The following CTNNA2 variants were observed in gnomAD, a reference collection of about 807,000 sequenced individuals.
CTNNA2 encodes the protein catenin alpha-2.
In CTNNA2, 42 loss-of-function variants were observed where a neutral mutation model predicts 101.0. That is an observed-to-expected ratio of 0.42 (90% CI 0.32 to 0.54). The LOEUF (loss-of-function observed/expected upper bound fraction) is 0.54, where lower values mean the gene tolerates loss of function less well. CTNNA2 is among the 20% of genes least tolerant of loss of function. The pLI is 0.14. For missense variants in CTNNA2, 871 were observed against 1,223.1 expected (o/e 0.71, Z 4.29); for synonymous variants, 450 against 456.4 (o/e 0.99, Z 0.18).
chr2:79,242,043 T>C (rs1021073655), intron 2 of CTNNA2, among the ~76,000 whole-genome samples: 1 of 152,152 alleles, frequency 6.6e-6, no homozygotes, highest in Admixed American at 6.5e-5. Flanking sequence ...GTAGCTGGGA[T>C]TACAGGCCCC....
At position 79,898,154 on chromosome 2, in the gene CTNNA2, G is replaced by T. The variant is rs183729771; in HGVS notation, c.853-11440G>T. 5.6e-3 allele frequency among the ~76,000 whole-genome samples: 847 copies of T among 151,752 alleles called. 1 individual carries two copies. The highest frequency in any genetic ancestry group is 0.01 in the Middle Eastern group (3 of 294). ...TTTTCTTTCTTTTTTCTTTTTTTGA[G>T]ATGGAGTCTCACTTTGTCACCCAGG... is the stretch of plus-strand genomic sequence containing the variant. On this transcript the variant is annotated intron_variant, in intron 6 of 18. Coordinates refer to ENST00000402739, the MANE Select transcript of CTNNA2 (RefSeq NM_001282597.3).
At chr2:79,294,978 C>G (rs973612287) in intron 2 of CTNNA2, among the ~76,000 whole-genome samples, 1 of 146,584 alleles carries the variant, frequency 6.8e-6, no homozygotes, top group African/African-American at 2.5e-5. Flanking sequence ...AACACAATTG[C>G]ACTTGTGTGT....
intron 8 of CTNNA2, among the ~76,000 whole-genome samples, chr2:80,410,101 A>G (rs892731154): frequency 6.6e-6 from 1 of 152,174 alleles, no homozygotes; most frequent in African/African-American, 2.4e-5. Flanking sequence ...GCTGTTTCAT[A>G]TTTATCAAAT....
At chr2:79,313,312 TATG>T (rs1427175296) in intron 3 of CTNNA2, among the ~76,000 whole-genome samples, 2 of 152,198 alleles carry the variant, frequency 1.3e-5, no homozygotes, top group African/African-American at 2.4e-5. Flanking sequence ...ACCATTAAAA[TATG>T]ATGTGTATAT....
intron 12 of CTNNA2, among the ~76,000 whole-genome samples, chr2:80,561,734 C>T (rs1693611386): frequency 6.6e-6 from 1 of 152,148 alleles, no homozygotes; most frequent in African/African-American, 2.4e-5. Flanking sequence ...AGTCTCTGCT[C>T]ACTGCAACCT....
chr2:79,958,250 A>AC (rs1308741633), intron 7 of CTNNA2, among the ~76,000 whole-genome samples: 6 of 151,908 alleles, frequency 3.9e-5, no homozygotes, highest in South Asian at 2.1e-4. Context: ...GGCAGAACAG[A>AC]CCCCCCAAAG....
intron 2 of CTNNA2, among the ~76,000 whole-genome samples, chr2:79,654,957 A>G (rs969294705): frequency 3.3e-5 from 5 of 152,210 alleles, no homozygotes; most frequent in Non-Finnish European, 5.9e-5. Context: ...GGAATTTGAC[A>G]GTAATTTTTT....
chr2:79,979,936 A>G (rs1691138340), intron 7 of CTNNA2, among the ~76,000 whole-genome samples: 1 of 152,194 alleles, frequency 6.6e-6, no homozygotes, highest in Non-Finnish European at 1.5e-5. Flanking sequence ...TGAAGCAGAC[A>G]TGAAATATAA....
At chr2:80,459,163 C>T (rs1377031904) in intron 9 of CTNNA2, among the ~76,000 whole-genome samples, 4 of 152,180 alleles carry the variant, frequency 2.6e-5, no homozygotes, top group South Asian at 2.1e-4. Context: ...TGTAAGTACA[C>T]GCTATCATGT....
intron 7 of CTNNA2, among the ~76,000 whole-genome samples, chr2:80,347,303 A>G (rs958678194): frequency 5.9e-5 from 9 of 152,144 alleles, no homozygotes; most frequent in Admixed American, 2.6e-4. Context: ...ACACTGTAAA[A>G]CCAATTTTTG....
At chr2:80,604,724 G>A (rs991498606) in intron 16 of CTNNA2, among the ~76,000 whole-genome samples, 8 of 151,952 alleles carry the variant, frequency 5.3e-5, no homozygotes, top group African/African-American at 1.9e-4. Flanking sequence ...AGAGAAAAGA[G>A]CAACCTGCCT....
chr2:79,761,096 A>G (rs993500640), intron 3 of CTNNA2, among the ~76,000 whole-genome samples: 29 of 152,248 alleles, frequency 1.9e-4, no homozygotes, highest in Non-Finnish European at 5.9e-5. Context: ...CATTTTTTAA[A>G]TTGAATATGT....
intron 12 of CTNNA2, among the ~76,000 whole-genome samples, chr2:80,570,202 C>A (rs2149694362): frequency 6.6e-6 from 1 of 152,256 alleles, no homozygotes; most frequent in Non-Finnish European, 1.5e-5. Flanking sequence ...GCACCTGCCA[C>A]CATGCCTGGC....
intron 7 of CTNNA2, among the ~76,000 whole-genome samples, chr2:80,329,294 G>C (rs561775636): frequency 1.3e-5 from 2 of 152,204 alleles, no homozygotes; most frequent in African/African-American, 4.8e-5. Flanking sequence ...GTAATGTTTT[G>C]TTTGAGGAAA....
intron 7 of CTNNA2, chr2:80,289,256 TG>T (rs1432530657): frequency 6.6e-6 from 1 of 152,160 alleles, no homozygotes; most frequent in Non-Finnish European, 1.5e-5. Context: ...CTGAGGCAAG[TG>T]TCAAAGCATC....
intron 4 of CTNNA2, among the ~76,000 whole-genome samples, chr2:79,432,684 C>T (rs372970585): frequency 6.6e-6 from 1 of 152,276 alleles, no homozygotes; most frequent in African/African-American, 2.4e-5. Context: ...ACTAGATTCC[C>T]ATTTTAGCTT....
In CTNNA2 at chr2:79,590,260, A is replaced by G. The variant is rs200133662; in HGVS notation, c.-5-61292A>G. 1.1e-3 allele frequency among the ~76,000 whole-genome samples: 168 copies of G among 152,300 alleles called. 1 individual carries two copies. The highest frequency in any genetic ancestry group is 4.6e-4 in the Non-Finnish European group (31 of 68,034). ...CTCTGCTGGTCCATATTTTGCAAAC[A>G]TATATATGGAAAGACTTTTTTCTTG... On this transcript the variant is annotated intron_variant, in intron 1 of 18. Transcript: ENST00000402739.
chr2:80,545,149 C>T (rs1691930103), intron 10 of CTNNA2, 75 bp downstream of exon 10: 1 of 1,382,730 alleles, frequency 7.2e-7, no homozygotes, highest in Non-Finnish European at 1.0e-6. Flanking sequence ...CCTCCTTTTC[C>T]TTCTCTATTT....
intron 2 of CTNNA2, among the ~76,000 whole-genome samples, chr2:79,230,942 G>T (rs1321948050): frequency 6.6e-6 from 1 of 152,168 alleles, no homozygotes; most frequent in African/African-American, 2.4e-5. Context: ...TCTCCCATTT[G>T]GAATGGCTGT....
Sources: allele counts gnomAD v4.1 joint callset (sites outside exome capture counted in the v4.1 genomes callset), GRCh38; gene constraint gnomAD v4.1.1; transcripts MANE v1.5; gene names NCBI Gene and HGNC (gene_info 2026-07-23, HGNC 2026-07-21).